Variants in SPG11 observed in about 807,000 individuals in gnomAD.
SPG11 encodes spatacsin.
A neutral mutation model predicts 274.0 loss-of-function variants in SPG11; 222 were observed. The observed-to-expected ratio is 0.81, with a 90% confidence interval of 0.73 to 0.91. SPG11 has a LOEUF of 0.91. Ranked by LOEUF, SPG11 falls within the 40% of genes least tolerant of loss-of-function variation. The probability of loss-of-function intolerance (pLI) is 0.00; values close to 1 mark genes in which losing one functional copy is unlikely to be tolerated. For missense variants in SPG11, 3,114 were observed against 2,872.7 expected (o/e 1.08, Z -1.92); for synonymous variants, 1,144 against 1,039.7 (o/e 1.10, Z -1.93).
intron 1 of SPG11, among the ~76,000 whole-genome samples, chr15:44,660,904 T>A (rs770182104): frequency 7.9e-5 from 12 of 152,266 alleles, no homozygotes; most frequent in South Asian, 2.1e-4. Flanking sequence ...TCCCAACTAG[T>A]ATGTTTAAAC....
At chr15:44,575,283 G>A (rs2082511319) in intron 30 of SPG11, 1 of 500,438 alleles carries the variant, frequency 2.0e-6, no homozygotes, top group Non-Finnish European at 3.6e-6. Flanking sequence ...CACCTAATGA[G>A]TGCTCTAGAG....
In SPG11 at chr15:44,637,853, C is replaced by T. The variant is rs187557025; in HGVS notation, c.1603-4216G>A. On this transcript the variant is annotated intron_variant, in intron 7 of 39. Coordinates refer to ENST00000261866, the MANE Select transcript of SPG11 (RefSeq NM_025137.4). ...AAAACAGCCCCAGGTAAGTCCTTCA[C>T]GGTATTCCAGAAAAAGGCATAGGAG... is the stretch of plus-strand genomic sequence containing the variant. 6.6e-5 allele frequency among the ~76,000 whole-genome samples: 10 copies of T among 152,190 alleles called. No individual in the cohort carries two copies. In the East Asian group the frequency reaches 1.2e-3, roughly 18 times the overall value.
intron 30 of SPG11, among the ~76,000 whole-genome samples, chr15:44,583,322 C>G (rs549597040): frequency 1.3e-5 from 2 of 151,956 alleles, no homozygotes; most frequent in East Asian, 3.9e-4. Context: ...TCTACTAATA[C>G]AAAAATTAGC....
chr15:44,606,068 G>A lies in SPG11; in HGVS notation c.3477C>T (p.Ser1159=). ...TAGCAGACTGCCAGCCAAACAATCT[G>A]CTAGGATCAAAGGGTGATAATGACT... The part of the protein sequence containing the change: ...LIQSLSPFDP[S]RLFGWQSANT... Residue 1159 remains serine, a synonymous_variant, in exon 20 of 40, where the codon AGC becomes AGT. Transcript: ENST00000261866. The A allele has an allele frequency of 1.2e-6, 2 of 1,613,638 alleles. No homozygotes were observed. Among genetic ancestry groups the A allele is most frequent in the Non-Finnish European group, 1.7e-6 (2 of 1,179,750 alleles).
intron 7 of SPG11, among the ~76,000 whole-genome samples, chr15:44,644,729 C>A (rs1257345250): frequency 6.6e-6 from 1 of 152,116 alleles, no homozygotes; most frequent in African/African-American, 2.4e-5. Context: ...GGCAAAGTTT[C>A]AGGATACAAA....
intron 39 of SPG11, among the ~76,000 whole-genome samples, 162 bp from the exon 40 acceptor site, chr15:44,563,463 C>T (rs184875100): frequency 8.6e-5 from 13 of 151,844 alleles, no homozygotes; most frequent in Admixed American, 3.3e-4. Flanking sequence ...CTCAGCCTCC[C>T]GAGTAGGTGG....
intron 9 of SPG11, 29 bp from the exon 10 acceptor site, chr15:44,628,873 T>A (rs1338390157): frequency 2.5e-6 from 4 of 1,583,264 alleles, no homozygotes; most frequent in Non-Finnish European, 3.5e-6. Flanking sequence ...TGCCAATTTG[T>A]GTGTGTGTGT....
intron 30 of SPG11, among the ~76,000 whole-genome samples, chr15:44,577,088 A>C (rs184298521): frequency 6.6e-6 from 1 of 152,164 alleles, no homozygotes; most frequent in Non-Finnish European, 1.5e-5. Flanking sequence ...TTGGCCTCCC[A>C]AAGTGCTGGG....
At chr15:44,613,982 T>C (rs1203937520) in intron 16 of SPG11, among the ~76,000 whole-genome samples, 10 of 152,126 alleles carry the variant, frequency 6.6e-5, no homozygotes, top group African/African-American at 2.4e-4. Context: ...AGTTCGAGGC[T>C]GCAATGAACC....
intron 31 of SPG11, 144 bp downstream of exon 31, chr15:44,574,758 T>G (rs1349160057): frequency 4.8e-6 from 5 of 1,042,524 alleles, no homozygotes; most frequent in Non-Finnish European, 7.2e-6. Context: ...AAGATAAAAT[T>G]ATGAGGGCCA....
At chr15:44,589,461 A>G (rs778402183) in intron 27 of SPG11, 47 bp from the exon 28 acceptor site, 3 of 1,611,446 alleles carry the variant, frequency 1.9e-6, no homozygotes, top group East Asian at 2.2e-5. Flanking sequence ...TCATGAGAAT[A>G]GCAAATCAAA....
chr15:44,647,331 T>C (rs771734176), intron 7 of SPG11, among the ~76,000 whole-genome samples: 1 of 152,170 alleles, frequency 6.6e-6, no homozygotes. Context: ...ACATTGCTGA[T>C]GGGAATGTAA....
intron 7 of SPG11, among the ~76,000 whole-genome samples, chr15:44,638,815 G>C (rs891071361): frequency 6.6e-6 from 1 of 152,068 alleles, no homozygotes; most frequent in African/African-American, 2.4e-5. Flanking sequence ...GGCCAACATG[G>C]GGAAACCCCA....
intron 35 of SPG11, among the ~76,000 whole-genome samples, chr15:44,567,807 G>A (rs960009947): frequency 6.6e-6 from 1 of 152,140 alleles, no homozygotes; most frequent in African/African-American, 2.4e-5. Flanking sequence ...TTTTTCTAAA[G>A]GGAGAAACCT....
Position 44,563,007 on chromosome 15 carries a change from TG to T in SPG11, c.*113del. 9.6e-7 allele frequency: 1 copy of T among 1,038,042 alleles called. No individual in the cohort carries two copies. The highest frequency in any genetic ancestry group is 1.5e-6 in the Non-Finnish European group (1 of 680,574). The allele number at this position is 1,038,042 out of a possible 1,614,324, so 64.3% of individuals were successfully genotyped here. On this transcript the variant is annotated 3_prime_UTR_variant, in exon 40 of 40. Coordinates refer to ENST00000261866, the MANE Select transcript of SPG11 (RefSeq NM_025137.4). ...ACCTACTACCCACAAAGGACTGATA[TG>T]GTACAGTACCGGGATTGTTCAACTT...
intron 30 of SPG11, among the ~76,000 whole-genome samples, chr15:44,578,624 A>C (rs1265161730): frequency 6.6e-6 from 1 of 152,204 alleles, no homozygotes; most frequent in Non-Finnish European, 1.5e-5. Flanking sequence ...TAAGTAGCAC[A>C]GATCACTACC....
At chr15:44,632,342 G>A (rs2084092388) in intron 8 of SPG11, among the ~76,000 whole-genome samples, 1 of 152,086 alleles carries the variant, frequency 6.6e-6, no homozygotes, top group African/African-American at 2.4e-5. Flanking sequence ...ATGGTTTCCA[G>A]TAATTTTTAT....
rs2083058016 is a variant in SPG11 at position 44,596,901 on chromosome 15, C to CT, written c.4043dup (p.Phe1349ValfsTer15). 6.2e-7 allele frequency: 1 copy of CT among 1,613,956 alleles called. No individual in the cohort carries two copies. Among genetic ancestry groups the CT allele is most frequent in the Non-Finnish European group, 8.5e-7 (1 of 1,179,982 alleles). On this transcript the variant is annotated frameshift_variant, in exon 24 of 40. Transcript: ENST00000261866. LOFTEE classifies it high-confidence loss of function. ...GTTTCATATTGTGTAGCCTGCAGAA[C>CT]TGCACCACTAATGCCCATTGGCTGC...
chr15:44,659,354 C>G, intron 2 of SPG11, 51 bp from the exon 3 acceptor site: 1 of 1,467,052 alleles, frequency 6.8e-7, no homozygotes, highest in East Asian at 2.3e-5. Flanking sequence ...AATTTTACAA[C>G]TGGTACATTT....
Sources: allele counts gnomAD v4.1 joint callset (sites outside exome capture counted in the v4.1 genomes callset), GRCh38; gene constraint gnomAD v4.1.1; transcripts MANE v1.5; gene names NCBI Gene and HGNC (gene_info 2026-07-23, HGNC 2026-07-21).